Variants in DNAAF9 observed in about 807,000 individuals in gnomAD.
The protein encoded by DNAAF9 is dynein axonemal assembly factor 9.
In DNAAF9, 90 loss-of-function variants were observed where a neutral mutation model predicts 167.0. That is an observed-to-expected ratio of 0.54 (90% confidence interval 0.45 to 0.64). DNAAF9 has a LOEUF of 0.64. Among genes scored for constraint, DNAAF9 ranks in the 30% least tolerant of loss-of-function variants. The pLI is 0.00. For synonymous variants in DNAAF9, 491 were observed against 508.8 expected (o/e 0.96, Z 0.47); for missense variants, 1,315 against 1,442.2 (o/e 0.91, Z 1.43).
At chr20:3,406,335 T>C (rs1315449287) in intron 1 of DNAAF9, among the ~76,000 whole-genome samples, 1 of 152,214 alleles carries the variant, frequency 6.6e-6, no homozygotes, top group African/African-American at 2.4e-5. Context: ...AACATGTAGA[T>C]TGGCAACCTC....
intron 26 of DNAAF9, among the ~76,000 whole-genome samples, chr20:3,289,820 G>C (rs1053182838): frequency 2.0e-5 from 3 of 152,022 alleles, no homozygotes; most frequent in African/African-American, 7.2e-5. Context: ...CCCCTTCTCT[G>C]CTTTATTTTC....
At chr20:3,397,553 C>T (rs780730067) in intron 1 of DNAAF9, among the ~76,000 whole-genome samples, 49 of 152,250 alleles carry the variant, frequency 3.2e-4, no homozygotes, top group Non-Finnish European at 4.9e-4. Flanking sequence ...CTCCTGACCT[C>T]GTGATCTGCC....
intron 1 of DNAAF9, among the ~76,000 whole-genome samples, chr20:3,397,504 G>A (rs1303000909): frequency 6.6e-6 from 1 of 152,048 alleles, no homozygotes; most frequent in Non-Finnish European, 1.5e-5. Context: ...ATTTTTAGTA[G>A]AGATAGGGTT....
At chr20:3,313,163 C>A (rs1473186123) in intron 20 of DNAAF9, among the ~76,000 whole-genome samples, 1 of 152,260 alleles carries the variant, frequency 6.6e-6, no homozygotes, top group Non-Finnish European at 1.5e-5. Context: ...TGCCTACAAT[C>A]TGCTTTCAAA....
At chr20:3,257,630 G>A (rs1037838405) in intron 33 of DNAAF9, among the ~76,000 whole-genome samples, 1 of 152,058 alleles carries the variant, frequency 6.6e-6, no homozygotes, top group Admixed American at 6.5e-5. Context: ...TGCAACGGCC[G>A]CCTCCTGGGT....
chr20:3,331,533 A>G (rs2069829642), intron 11 of DNAAF9, among the ~76,000 whole-genome samples: 1 of 152,150 alleles, frequency 6.6e-6, no homozygotes, highest in Non-Finnish European at 1.5e-5. Flanking sequence ...CAGCAAGCCT[A>G]GCCTTTCTGG....
At chr20:3,255,422 T>G (rs1418014489) in intron 34 of DNAAF9, 138 bp from the exon 35 acceptor site, 4 of 615,968 alleles carry the variant, frequency 6.5e-6, no homozygotes, top group Non-Finnish European at 1.2e-5. Context: ...GGATATAATA[T>G]TCTGTCTAGT....
intron 30 of DNAAF9, among the ~76,000 whole-genome samples, chr20:3,266,070 C>A (rs1355501985): frequency 2.6e-5 from 4 of 152,178 alleles, no homozygotes. Flanking sequence ...TTTGAGAGTA[C>A]ATGTCAGAGC....
chr20:3,348,549 T>C lies in DNAAF9; in HGVS notation c.765A>G (p.Glu255=), dbSNP rs2070244670. 1.9e-6 allele frequency: 3 copies of C among 1,600,982 alleles called. No homozygotes were observed. The highest frequency in any genetic ancestry group is 2.2e-5 in the East Asian group (1 of 44,776). The change falls in exon 8 of 37, where the codon GAA becomes GAG. Residue 255 remains glutamate, a synonymous_variant. Coordinates refer to ENST00000252032, the MANE Select transcript of DNAAF9 (RefSeq NM_001009984.3). ...CCTCACCCGCCTGAGATTCTGAAAG[T>C]TCTAGCAGGAAAGGAATTTCTGTGT... ...NFDTEIPFLL[E]LSESQAGEPF...
At chr20:3,395,440 C>A (rs2083894233) in intron 1 of DNAAF9, among the ~76,000 whole-genome samples, 1 of 152,020 alleles carries the variant, frequency 6.6e-6, no homozygotes, top group African/African-American at 2.4e-5. Context: ...GCCACTATGC[C>A]CAGCTGATTT....
chr20:3,322,772 G>T (rs1398696522), intron 14 of DNAAF9, 76 bp from the exon 15 acceptor site: 5 of 1,065,722 alleles, frequency 4.7e-6, no homozygotes, highest in Non-Finnish European at 7.3e-6. Flanking sequence ...GTACCTGCTT[G>T]GGATTCTCAA....
chr20:3,260,091 G>C (rs543153576), intron 31 of DNAAF9, 63 bp from the exon 32 acceptor site: 1 of 896,282 alleles, frequency 1.1e-6, no homozygotes, highest in South Asian at 1.4e-5. Flanking sequence ...TGTAATCCCA[G>C]CACTCTGGGA....
chr20:3,390,421 G>A (rs960840067), intron 1 of DNAAF9, among the ~76,000 whole-genome samples: 7 of 149,638 alleles, frequency 4.7e-5, no homozygotes, highest in South Asian at 2.1e-4. Flanking sequence ...GCTGGAGTGC[G>A]GTGGCACGAT....
rs570429672 is a variant in DNAAF9, at chr20:3,406,374, C to T, written c.83+1101G>A. Among the ~76,000 whole-genome samples the T allele has an allele frequency of 8.5e-5, 13 of 152,274 alleles. No homozygotes were observed. In the East Asian group the frequency reaches 2.5e-3, roughly 29 times the overall value. ...TCAAGGGAACAATATATTTGCTTTG[C>T]TATGTGGCTAGAATAAGAAAAAGCA... On this transcript the variant is annotated intron_variant, in intron 1 of 36. Transcript: ENST00000252032.
intron 28 of DNAAF9, among the ~76,000 whole-genome samples, chr20:3,279,609 G>T (rs1233989591): frequency 6.6e-6 from 1 of 152,220 alleles, no homozygotes. Flanking sequence ...CACTAATGGG[G>T]ATAGCTGCCT....
At chr20:3,356,435 T>C (rs2083288201) in intron 7 of DNAAF9, among the ~76,000 whole-genome samples, 1 of 152,230 alleles carries the variant, frequency 6.6e-6, no homozygotes, top group East Asian at 1.9e-4. Context: ...TCTGCCTTTT[T>C]TCAATTGGTT....
rs79676308 is a variant in DNAAF9, at chr20:3,333,466, T to C, written c.982-1105A>G. On this transcript the variant is annotated intron_variant, in intron 10 of 36. Coordinates refer to ENST00000252032, the MANE Select transcript of DNAAF9 (RefSeq NM_001009984.3). ...ACTCAATTGTTTAAGACAACAACACTAGAATTCAAGGCATTTTTCTATAAC... is the reference window on the plus strand; with the variant it reads ...ACTCAATTGTTTAAGACAACAACACCAGAATTCAAGGCATTTTTCTATAAC... 4.8e-3 allele frequency among the ~76,000 whole-genome samples: 735 copies of C among 152,324 alleles called. 2 individuals are homozygous for C. Among genetic ancestry groups the C allele is most frequent in the Middle Eastern group, 6.8e-3 (2 of 294 alleles).
rs1466054934 is a variant in DNAAF9 at position 3,281,667 on chromosome 20, C to T, written c.2586G>A (p.Glu862=). The part of the protein sequence containing the change: ...FTIGAITACV[E]PMSCYMEHRF... ...TGTGCTCCATGTAGCAGCTCATGGG[C>T]TCCACACATGCTGTGATGGCACCAA... Residue 862 remains glutamate (E), a synonymous_variant, in exon 28 of 37, where the codon GAG becomes GAA. Transcript: ENST00000252032. 2 of 1,612,316 alleles carry T rather than the reference C, an allele frequency of 1.2e-6. No individual in the cohort carries two copies. The highest frequency in any genetic ancestry group is 1.1e-5 in the South Asian group (1 of 90,674).
At chr20:3,375,205 A>G in intron 4 of DNAAF9, 79 bp from the exon 5 acceptor site, 2 of 920,738 alleles carry the variant, frequency 2.2e-6, no homozygotes, top group Non-Finnish European at 3.5e-6. Flanking sequence ...CATTTTGTCA[A>G]CCAGAGTTGT....
Sources: gnomAD v4.1 joint callset for allele counts (sites outside exome capture counted in the v4.1 genomes callset) on GRCh38, gnomAD v4.1.1 for gene constraint, MANE v1.5 for transcripts, NCBI Gene and HGNC (gene_info 2026-07-23, HGNC 2026-07-21) for gene names.